The following SIL1 variants were observed in gnomAD, a reference collection of about 807,000 sequenced individuals.
SIL1 encodes nucleotide exchange factor SIL1.
A neutral mutation model predicts 49.1 loss-of-function variants in SIL1; 40 were observed. That is an observed-to-expected ratio of 0.81 (90% CI 0.63 to 1.06). The LOEUF is 1.06. Among genes scored for constraint, SIL1 ranks in the 50% least tolerant of loss-of-function variants. The pLI, the probability that SIL1 is intolerant of heterozygous loss-of-function variation, is 0.00. For missense variants in SIL1, 500 were observed against 572.6 expected, an observed-to-expected ratio of 0.87 and a Z score of 1.29; for synonymous variants, 253 against 250.8, an observed-to-expected ratio of 1.01 and a Z score of -0.08.
intron 1 of SIL1, among the ~76,000 whole-genome samples, chr5:139,143,250 CATAT>C (rs58981581): frequency 6.3e-5 from 9 of 142,412 alleles, no homozygotes; most frequent in East Asian, 2.1e-4. Flanking sequence ...TGTATATATA[CATAT>C]ATAAACACAT....
chr5:139,086,255 A>C (rs1770216595), intron 3 of SIL1, among the ~76,000 whole-genome samples: 1 of 148,144 alleles, frequency 6.8e-6, no homozygotes, highest in Non-Finnish European at 1.5e-5. Context: ...CCTGAGCAAC[A>C]GAGTGAGACC....
chr5:139,116,589 A>T (rs944597026), intron 3 of SIL1, among the ~76,000 whole-genome samples: 3 of 152,212 alleles, frequency 2.0e-5, no homozygotes, highest in Non-Finnish European at 4.4e-5. Context: ...TCCCCAAGGA[A>T]AGGGAGGTAG....
intron 3 of SIL1, among the ~76,000 whole-genome samples, chr5:139,054,432 T>C (rs1455579415): frequency 2.0e-5 from 3 of 152,002 alleles, no homozygotes; most frequent in Non-Finnish European, 4.4e-5. Context: ...ATAATAATTA[T>C]TTGTTAAGTG....
chr5:139,143,324 C>T (rs866681983), intron 1 of SIL1, among the ~76,000 whole-genome samples: 3,029 of 121,248 alleles, frequency 0.025, 87 homozygotes, highest in Middle Eastern at 0.062. Flanking sequence ...CACACACACA[C>T]ACACACACAC....
intron 1 of SIL1, among the ~76,000 whole-genome samples, chr5:139,170,287 ACC>A (rs1354853478): frequency 3.3e-5 from 5 of 150,406 alleles, no homozygotes; most frequent in Non-Finnish European, 7.4e-5. Context: ...CCCGGCCGCC[ACC>A]CCGTCTGGGA....
chr5:139,163,652 G>A (rs886514785), intron 1 of SIL1, among the ~76,000 whole-genome samples: 5 of 152,158 alleles, frequency 3.3e-5, no homozygotes, highest in African/African-American at 7.2e-5. Context: ...TTACAGGCAT[G>A]AGCCAACATG....
At chr5:138,971,536 T>C (rs972152996) in intron 7 of SIL1, among the ~76,000 whole-genome samples, 2 of 152,118 alleles carry the variant, frequency 1.3e-5, no homozygotes, top group South Asian at 2.1e-4. Flanking sequence ...CCAACTAACT[T>C]GAATCTTCTT....
chr5:139,170,327 C>T (rs1751725842), intron 1 of SIL1, among the ~76,000 whole-genome samples: 1 of 151,810 alleles, frequency 6.6e-6, no homozygotes. Flanking sequence ...CTTGGCCGCC[C>T]ATCGTGTGGG....
chr5:138,949,338 C>G (rs984831082), intron 9 of SIL1, among the ~76,000 whole-genome samples: 1 of 152,236 alleles, frequency 6.6e-6, no homozygotes, highest in African/African-American at 2.4e-5. Flanking sequence ...CCTGGCAGAC[C>G]CCAGCACCCT....
intron 1 of SIL1, among the ~76,000 whole-genome samples, chr5:139,142,212 A>G (rs187196806): frequency 1.3e-5 from 2 of 152,364 alleles, no homozygotes; most frequent in East Asian, 3.9e-4. Context: ...GGTGCCTGTT[A>G]AGAAGGGTAG....
At chr5:139,165,978 T>A (rs1011711293) in intron 1 of SIL1, among the ~76,000 whole-genome samples, 2 of 152,110 alleles carry the variant, frequency 1.3e-5, no homozygotes, top group African/African-American at 4.8e-5. Flanking sequence ...TTCTTAAATG[T>A]ATTTGATTGA....
intron 1 of SIL1, among the ~76,000 whole-genome samples, chr5:139,175,785 A>G (rs1230883330): frequency 5.3e-5 from 8 of 152,154 alleles, no homozygotes; most frequent in East Asian, 1.9e-4. Context: ...CAACATGGTG[A>G]AAACCCGTCT....
intron 1 of SIL1, among the ~76,000 whole-genome samples, chr5:139,141,168 C>T (rs112638863): frequency 3.3e-5 from 5 of 152,152 alleles, no homozygotes; most frequent in Admixed American, 2.6e-4. Flanking sequence ...AGCTCCACAG[C>T]GGGAGGGACA....
intron 7 of SIL1, among the ~76,000 whole-genome samples, chr5:138,967,230 G>C (rs1283210566): frequency 6.6e-6 from 1 of 152,202 alleles, no homozygotes; most frequent in Non-Finnish European, 1.5e-5. Context: ...TGGGCCAGCA[G>C]CACCAGCAGT....
chr5:139,169,840 C>CCACGG (rs1561888487), intron 1 of SIL1, among the ~76,000 whole-genome samples: 7 of 151,774 alleles, frequency 4.6e-5, no homozygotes, highest in South Asian at 2.1e-4. Flanking sequence ...TCCCCTCTCC[C>CCACGG]TCTCCCCACG....
At chr5:139,113,062 G>A (rs1334561738) in intron 3 of SIL1, among the ~76,000 whole-genome samples, 4 of 152,134 alleles carry the variant, frequency 2.6e-5, no homozygotes. Flanking sequence ...TAAGGGTGGT[G>A]CAAGATGTGC....
intron 3 of SIL1, among the ~76,000 whole-genome samples, chr5:139,104,873 G>A (rs141076437): frequency 3.5e-4 from 53 of 152,304 alleles, no homozygotes; most frequent in African/African-American, 1.2e-3. Flanking sequence ...GGGTCTCTCT[G>A]TGAAGTCCCA....
chr5:138,962,956 G>A (rs1296542302), intron 7 of SIL1, among the ~76,000 whole-genome samples: 1 of 152,216 alleles, frequency 6.6e-6, no homozygotes, highest in Non-Finnish European at 1.5e-5. Context: ...ATGTCCCTGA[G>A]TAATTGTCTC....
intron 1 of SIL1, among the ~76,000 whole-genome samples, chr5:139,152,563 G>A (rs907129216): frequency 1.3e-5 from 2 of 150,974 alleles, no homozygotes; most frequent in Non-Finnish European, 2.9e-5. Flanking sequence ...AGAGGTTGCA[G>A]TGAGCCGAGA....
Sources: allele counts gnomAD v4.1 joint callset (sites outside exome capture counted in the v4.1 genomes callset), GRCh38; gene constraint gnomAD v4.1.1; transcripts MANE v1.5; gene names NCBI Gene and HGNC (gene_info 2026-07-23, HGNC 2026-07-21).